TTC6: variants seen among roughly 807,000 people sequenced by gnomAD.
TTC6 encodes the protein tetratricopeptide repeat protein 6.
Under a neutral mutation model 210.4 loss-of-function variants are expected in TTC6, and 172 were observed. The ratio of observed to expected loss-of-function variants is 0.82; its 90% CI spans 0.72 to 0.93. The LOEUF is 0.93. Among genes scored for constraint, TTC6 ranks in the 40% least tolerant of loss-of-function variants. The pLI, the probability that TTC6 is intolerant of heterozygous loss-of-function variation, is 0.00. For synonymous variants in TTC6, 804 were observed against 819.6 expected, an observed-to-expected ratio of 0.98 and a Z score of 0.32; for missense variants, 2,414 against 2,318.1, an observed-to-expected ratio of 1.04 and a Z score of -0.85.
At chr14:37,733,831 T>G (rs1286689356) in intron 7 of TTC6, among the ~76,000 whole-genome samples, 1 of 152,162 alleles carries the variant, frequency 6.6e-6, no homozygotes, top group East Asian at 1.9e-4. Flanking sequence ...TTAATTACCT[T>G]TTTTTCTCTT....
chr14:37,597,579 A>G (rs2095606996), intron 1 of TTC6, among the ~76,000 whole-genome samples: 1 of 151,830 alleles, frequency 6.6e-6, no homozygotes, highest in Non-Finnish European at 1.5e-5. Context: ...AAAAAAATCC[A>G]CTTTTCATAG....
At chr14:37,630,907 G>GTGTTTT (rs2095668293) in intron 1 of TTC6, among the ~76,000 whole-genome samples, 1 of 33,064 alleles carries the variant, frequency 3.0e-5, no homozygotes. Flanking sequence ...GGCAACCCCT[G>GTGTTTT]TTTTTTTTTT....
chr14:37,628,116 A>G (rs1260977992), intron 1 of TTC6, among the ~76,000 whole-genome samples: 1 of 152,150 alleles, frequency 6.6e-6, no homozygotes, highest in Non-Finnish European at 1.5e-5. Flanking sequence ...AATTGCAGGC[A>G]TGTCCCACCA....
intron 13 of TTC6, 58 bp downstream of exon 15, chr14:37,751,283 T>G: frequency 1.6e-6 from 2 of 1,277,384 alleles, no homozygotes; most frequent in Non-Finnish European, 2.1e-6. Flanking sequence ...GATATCCTCA[T>G]GCAAATAGTA....
chr14:37,721,313 C>T (rs992939687), intron 6 of TTC6, among the ~76,000 whole-genome samples: 1 of 152,054 alleles, frequency 6.6e-6, no homozygotes, highest in Non-Finnish European at 1.5e-5. Context: ...TTGGAAAATA[C>T]TCTTCAGTTA....
At chr14:37,731,425 C>T (rs771663691) in intron 7 of TTC6, among the ~76,000 whole-genome samples, 13 of 152,060 alleles carry the variant, frequency 8.5e-5, no homozygotes, top group Admixed American at 3.9e-4. Context: ...ATGAAAAACA[C>T]GACACTAAAT....
At chr14:37,653,777 A>G (rs1211044775) in intron 1 of TTC6, among the ~76,000 whole-genome samples, 1 of 152,230 alleles carries the variant, frequency 6.6e-6, no homozygotes, top group Non-Finnish European at 1.5e-5. Flanking sequence ...TGATAAAATA[A>G]TAAGAAAATA....
chr14:37,769,722 T>C (rs2096011786), intron 14 of TTC6, among the ~76,000 whole-genome samples: 1 of 150,738 alleles, frequency 6.6e-6, no homozygotes, highest in Non-Finnish European at 1.5e-5. Flanking sequence ...GCTAGTAGTC[T>C]ATCAATTTTG....
At chr14:37,709,912 C>T (rs1423509652) in intron 5 of TTC6, among the ~76,000 whole-genome samples, 1 of 152,150 alleles carries the variant, frequency 6.6e-6, no homozygotes, top group African/African-American at 2.4e-5. Flanking sequence ...CAGACCTTGG[C>T]ATCTGCTTTT....
chr14:37,637,639 A>G (rs1242773605), intron 1 of TTC6, among the ~76,000 whole-genome samples: 2 of 152,074 alleles, frequency 1.3e-5, no homozygotes, highest in Non-Finnish European at 2.9e-5. Context: ...GGTCCTGAGG[A>G]AAAAAAAGAG....
chr14:37,625,408 C>T (rs371340041), intron 1 of TTC6, among the ~76,000 whole-genome samples: 7 of 151,936 alleles, frequency 4.6e-5, no homozygotes, highest in East Asian at 2.0e-4. Flanking sequence ...ATTAGCCGGG[C>T]GTGGTGGCAG....
chr14:37,725,328 A>G lies in TTC6; in HGVS notation c.1818+326A>G, dbSNP rs1340504712. On this transcript the variant is annotated intron_variant, in intron 7 of 30. Coordinates refer to ENST00000553443, the Ensembl canonical transcript of TTC6. ...TGTGTGTGTGTATATATATATATATATATATATATATATATATATATATAT... is the reference window on the plus strand; with the variant it reads ...TGTGTGTGTGTATATATATATATATGTATATATATATATATATATATATAT... Among the ~76,000 whole-genome samples, 111 of 88,496 alleles carry G rather than the reference A, an allele frequency of 1.3e-3. 2 individuals carry two copies. Among genetic ancestry groups the G allele is most frequent in the Non-Finnish European group, 2.1e-3 (82 of 39,128 alleles). 58.1% of individuals were successfully genotyped at this position (88,496 alleles called of 152,430 possible).
At chr14:37,714,553 A>G (rs2138759805) in intron 5 of TTC6, 102 bp from the exon 8 acceptor site, 2 of 873,758 alleles carry the variant, frequency 2.3e-6, no homozygotes, top group Non-Finnish European at 1.7e-6. Context: ...CAGATGTCAA[A>G]TGTCCATGTG....
At chr14:37,596,477 A>C (rs1476648244) in intron 1 of TTC6, among the ~76,000 whole-genome samples, 1 of 152,162 alleles carries the variant, frequency 6.6e-6, no homozygotes, top group Non-Finnish European at 1.5e-5. Context: ...GAGTCTTCCC[A>C]ACGCAAAGTC....
rs369912402 is a variant in TTC6, at chr14:37,747,945, A to T, written c.2364-994A>T. On this transcript the variant is annotated intron_variant, in intron 10 of 30. Transcript: ENST00000553443. The stretch of plus-strand genomic sequence containing the variant: ...AGTGGTGTGGAATATTTATGCTGGC[A>T]CTTGATCATGTGGGGTCTTATGGAC... Among the ~76,000 whole-genome samples, 19 of 152,296 alleles carry T rather than the reference A, an allele frequency of 1.2e-4. No homozygotes were observed. In the East Asian group the frequency reaches 3.3e-3, roughly 26 times the overall value.
At chr14:37,606,302 C>T (rs2095625020) in intron 1 of TTC6, among the ~76,000 whole-genome samples, 1 of 152,142 alleles carries the variant, frequency 6.6e-6, no homozygotes, top group Admixed American at 6.5e-5. Context: ...TTGCCTACTT[C>T]TCTTTAGGCC....
intron 3 of TTC6, among the ~76,000 whole-genome samples, chr14:37,689,170 G>C (rs780048064): frequency 3.3e-5 from 5 of 151,868 alleles, no homozygotes; most frequent in Non-Finnish European, 5.9e-5. Context: ...AATGCAGTTG[G>C]CATACTGAAG....
At chr14:37,766,082 G>T (rs2095998386) in intron 14 of TTC6, among the ~76,000 whole-genome samples, 1 of 151,984 alleles carries the variant, frequency 6.6e-6, no homozygotes, top group Non-Finnish European at 1.5e-5. Context: ...GAACTTCTTG[G>T]ATTAATACAT....
intron 10 of TTC6, among the ~76,000 whole-genome samples, chr14:37,743,505 A>G (rs2138980233): frequency 6.6e-6 from 1 of 152,368 alleles, no homozygotes; most frequent in East Asian, 1.9e-4. Context: ...CCATTGAGAA[A>G]TAAGTCACAA....
Sources: gnomAD v4.1 joint callset for allele counts (sites outside exome capture counted in the v4.1 genomes callset) on GRCh38, gnomAD v4.1.1 for gene constraint, MANE v1.5 for transcripts, NCBI Gene and HGNC (gene_info 2026-07-23, HGNC 2026-07-21) for gene names.